The following C14orf39 variants were observed in gnomAD, a reference collection of about 807,000 sequenced individuals.
C14orf39 encodes protein SIX6OS1.
A neutral mutation model predicts 85.6 loss-of-function variants in C14orf39; 66 were observed. That is an observed-to-expected ratio of 0.77 (90% CI 0.63 to 0.95). The LOEUF (loss-of-function observed/expected upper bound fraction) is 0.95, where lower values mean the gene tolerates loss of function less well. Among genes scored for constraint, C14orf39 ranks in the 40% least tolerant of loss-of-function variants. C14orf39 has a pLI of 0.00. For synonymous variants in C14orf39, 242 were observed against 214.0 expected, an observed-to-expected ratio of 1.13 and a Z score of -1.14; for missense variants, 735 against 663.9, an observed-to-expected ratio of 1.11 and a Z score of -1.18.
intron 4 of C14orf39, among the ~76,000 whole-genome samples, chr14:60,478,804 G>A (rs10133771): frequency 0.63 from 95,793 of 151,850 alleles, 31,246 homozygotes; most frequent in Admixed American, 0.71. Context: ...GCTAAAGAGA[G>A]GTTTTTTTGC....
At position 60,451,417 on chromosome 14, in the gene C14orf39, T is replaced by C. The variant is rs373061075; in HGVS notation, c.1503+3584A>G. Among the ~76,000 whole-genome samples the C allele has an allele frequency of 9.9e-4, 150 of 152,188 alleles. 1 individual carries two copies. Among genetic ancestry groups the C allele is most frequent in the African/African-American group, 3.4e-3 (142 of 41,528 alleles). On this transcript the variant is annotated intron_variant, in intron 16 of 17. Coordinates refer to ENST00000321731, the MANE Select transcript of C14orf39 (RefSeq NM_174978.3). ...ATGTTTATTGCGGCACTATTCACAATAGCAAAGACTTGGAACCAACCCAAA... is the reference window on the plus strand; with the variant it reads ...ATGTTTATTGCGGCACTATTCACAACAGCAAAGACTTGGAACCAACCCAAA...
At chr14:60,438,176 T>A (rs1368372205) in intron 17 of C14orf39, among the ~76,000 whole-genome samples, 2 of 152,106 alleles carry the variant, frequency 1.3e-5, no homozygotes, top group Non-Finnish European at 2.9e-5. Flanking sequence ...ACTTTATTTT[T>A]ATTTTTAAAC....
At chr14:60,473,644 A>T (rs956121269) in intron 5 of C14orf39, among the ~76,000 whole-genome samples, 2 of 152,142 alleles carry the variant, frequency 1.3e-5, no homozygotes, top group African/African-American at 4.8e-5. Context: ...TCCCAGCACC[A>T]TTTATTAAAT....
At chr14:60,455,682 G>C (rs1891241838) in intron 15 of C14orf39, among the ~76,000 whole-genome samples, 1 of 152,112 alleles carries the variant, frequency 6.6e-6, no homozygotes, top group Non-Finnish European at 1.5e-5. Flanking sequence ...ATGGATTCTA[G>C]AGCCAGAACG....
upstream of C14orf39, among the ~76,000 whole-genome samples, chr14:60,487,492 C>CGTGTGTGT (rs1308228152): frequency 0.04 from 5,978 of 150,110 alleles, 187 homozygotes; most frequent in African/African-American, 0.09. Flanking sequence ...AATAAAAGTC[C>CGTGTGTGT]GTGTGTGTGT....
chr14:60,467,037 C>T lies in C14orf39; in HGVS notation c.775G>A (p.Gly259Arg), dbSNP rs778809641. Residue 259 changes from glycine to arginine, a missense_variant, in exon 10 of 18, where the codon GGA (glycine) becomes AGA (arginine). By Grantham distance (125) the Gly-to-Arg change is moderately radical (BLOSUM62 -2). Transcript: ENST00000321731. ...NRKELKERIFGKDEHVLTLNK... is the reference protein window; with the variant it reads ...NRKELKERIFRKDEHVLTLNK... ...AATGTAAGTACATGCTCATCTTTTC[C>T]AAAAATTCTAAAGAGAAAGGTGAAT... 2 of 1,338,304 alleles carry T rather than the reference C, an allele frequency of 1.5e-6. No homozygotes were observed. Among genetic ancestry groups the T allele is most frequent in the East Asian group, 2.7e-5 (1 of 36,510 alleles). 82.9% of individuals were successfully genotyped at this position (1,338,304 alleles called of 1,614,324 possible). A position where few individuals can be genotyped will look rare whatever the true frequency, so the allele number is the denominator to read the frequency against.
intron 5 of C14orf39, among the ~76,000 whole-genome samples, chr14:60,476,797 A>C (rs1011892446): frequency 6.6e-6 from 1 of 152,142 alleles, no homozygotes; most frequent in African/African-American, 2.4e-5. Flanking sequence ...TTTCCCCTTT[A>C]GAGGACCCAG....
intron 16 of C14orf39, among the ~76,000 whole-genome samples, chr14:60,442,573 G>T (rs577993810): frequency 4.9e-4 from 75 of 152,200 alleles, no homozygotes; most frequent in African/African-American, 1.8e-3. Context: ...ATAGTTTTCT[G>T]TGCACCTTTT....
chr14:60,441,784 T>C (rs1157603785), intron 17 of C14orf39, among the ~76,000 whole-genome samples: 1 of 152,016 alleles, frequency 6.6e-6, no homozygotes, highest in Non-Finnish European at 1.5e-5. Flanking sequence ...AAGATGGAAA[T>C]AACCAATTAT....
Position 60,478,328 on chromosome 14 carries a change from C to A in C14orf39, c.295G>T (p.Val99Phe). The change falls in exon 5 of 18, where the codon GTT becomes TTT. Residue 99 changes from valine (V) to phenylalanine (F), a missense_variant. Val to Phe is a conservative substitution (Grantham distance 50, BLOSUM62 -1). Coordinates refer to ENST00000321731, the MANE Select transcript of C14orf39 (RefSeq NM_174978.3). ...HEDYMQDQFTVYQGTVEKDKE... is the reference protein window; with the variant it reads ...HEDYMQDQFTFYQGTVEKDKE... ...TCTTTTTCAACAGTTCCTTGATAAACAGTAAATTGGTCCTGCATATAATCT... is the reference window on the plus strand; with the variant it reads ...TCTTTTTCAACAGTTCCTTGATAAAAAGTAAATTGGTCCTGCATATAATCT... 1 of 1,575,096 alleles carries A rather than the reference C, an allele frequency of 6.3e-7. No homozygotes were observed.
intron 16 of C14orf39, among the ~76,000 whole-genome samples, chr14:60,448,415 CA>C (rs2140043893): frequency 6.6e-6 from 1 of 152,198 alleles, no homozygotes; most frequent in African/African-American, 2.4e-5. Context: ...ATGCAGCCAA[CA>C]GACACATGAA....
At chr14:60,454,054 T>C (rs1891152954) in intron 16 of C14orf39, among the ~76,000 whole-genome samples, 1 of 151,904 alleles carries the variant, frequency 6.6e-6, no homozygotes, top group Non-Finnish European at 1.5e-5. Flanking sequence ...TCTACTTTCA[T>C]GCCTAGCATA....
chr14:60,497,388 A>AATACTCCAT (rs11282738), intron 2 of C14orf39, among the ~76,000 whole-genome samples: 1 of 151,382 alleles, frequency 6.6e-6, no homozygotes, highest in African/African-American at 2.4e-5. Flanking sequence ...GTACAGGCCC[A>AATACTCCAT]ATGCACACAC....
rs148805381 is a variant in C14orf39 at position 60,473,756 on chromosome 14, G to A, written c.324-2017C>T. ...CTCAGGGCTCTGTTCTGTTCCATTG[G>A]TCTGTATCTCTCTTTTGGTACCAGT... On this transcript the variant is annotated intron_variant, in intron 5 of 17. Transcript: ENST00000321731. Among the ~76,000 whole-genome samples the A allele has an allele frequency of 3.6e-3, 547 of 152,150 alleles. 4 individuals are homozygous for A. The highest frequency in any genetic ancestry group is 0.012 in the African/African-American group (504 of 41,514).
intron 2 of C14orf39, chr14:60,493,985 A>G: frequency 5.8e-6 from 1 of 173,724 alleles, no homozygotes; most frequent in Non-Finnish European, 1.2e-5. Context: ...CATCTTGGAG[A>G]CAGTACATCA....
intron 16 of C14orf39, among the ~76,000 whole-genome samples, chr14:60,451,403 G>A (rs552480015): frequency 2.0e-3 from 298 of 152,094 alleles, no homozygotes; most frequent in South Asian, 0.013. Flanking sequence ...TGTTTATTGC[G>A]GCACTATTCA....
intron 17 of C14orf39, among the ~76,000 whole-genome samples, chr14:60,437,704 G>T (rs1167908289): frequency 6.6e-6 from 1 of 152,010 alleles, no homozygotes; most frequent in Non-Finnish European, 1.5e-5. Context: ...CAATCATAGT[G>T]ATGGTAATGG....
intron 1 of C14orf39, among the ~76,000 whole-genome samples, chr14:60,508,313 A>G (rs1893234873): frequency 6.6e-6 from 1 of 152,184 alleles, no homozygotes; most frequent in South Asian, 2.1e-4. Flanking sequence ...GTCCTGACCT[A>G]CCAATGACTT....
chr14:60,499,378 G>C (rs1287130349), exon 2 of C14orf39: 2 of 152,148 alleles, frequency 1.3e-5, no homozygotes, highest in East Asian at 3.8e-4. Flanking sequence ...AGAAGATCCA[G>C]AATAATTTCT....
Sources: gnomAD v4.1 joint callset for allele counts (sites outside exome capture counted in the v4.1 genomes callset) on GRCh38, gnomAD v4.1.1 for gene constraint, MANE v1.5 for transcripts, NCBI Gene and HGNC (gene_info 2026-07-23, HGNC 2026-07-21) for gene names.